HS2ST1: variants seen among roughly 807,000 people sequenced by gnomAD.
The protein encoded by HS2ST1 is heparan sulfate 2-O-sulfotransferase 1, also known as 2-O-sulfotransferase.
HS2ST1 carries 18 observed loss-of-function variants against 42.9 expected under a neutral mutation model. The ratio of observed to expected loss-of-function variants is 0.42; its 90% confidence interval spans 0.29 to 0.62. The LOEUF (loss-of-function observed/expected upper bound fraction) is 0.62, where lower values mean the gene tolerates loss of function less well. Ranked by LOEUF, HS2ST1 falls within the 20% of genes least tolerant of loss-of-function variation. The pLI, the probability that HS2ST1 is intolerant of heterozygous loss-of-function variation, is 0.21. For missense variants in HS2ST1, 334 were observed against 433.8 expected (o/e 0.77, Z 2.04); for synonymous variants, 146 against 152.9 (o/e 0.95, Z 0.33).
chr1:87,083,894 C>G (rs1188253223), intron 2 of HS2ST1, among the ~76,000 whole-genome samples: 1 of 152,128 alleles, frequency 6.6e-6, no homozygotes, highest in Non-Finnish European at 1.5e-5. Flanking sequence ...TACACCCCCA[C>G]AACGACCCTC....
chr1:86,993,502 C>A (rs1649017229), intron 1 of HS2ST1, among the ~76,000 whole-genome samples: 1 of 152,132 alleles, frequency 6.6e-6, no homozygotes, highest in Admixed American at 6.5e-5. Flanking sequence ...GCATTCTTAT[C>A]AGTAAGATAC....
rs552984259 is a variant in HS2ST1, at chr1:87,086,429, CAAT to C, written c.449+2152_449+2154del. ...GTCAATTGTGCTTTACTCTTCAAAACAATATTCTTGACTGGCATAGTACTTTGT... is the reference window on the plus strand; with the variant it reads ...GTCAATTGTGCTTTACTCTTCAAAACATTCTTGACTGGCATAGTACTTTGT... On this transcript the variant is annotated intron_variant, in intron 3 of 6. Coordinates refer to ENST00000370550, the MANE Select transcript of HS2ST1 (RefSeq NM_012262.4). Among the ~76,000 whole-genome samples the C allele has an allele frequency of 5.3e-4, 81 of 152,258 alleles. No homozygotes were observed. The South Asian group carries it at 9.7e-3, about 18-fold the overall frequency.
intron 2 of HS2ST1, among the ~76,000 whole-genome samples, chr1:87,080,577 A>G (rs576435821): frequency 1.5e-4 from 23 of 152,200 alleles, no homozygotes; most frequent in Non-Finnish European, 2.8e-4. Flanking sequence ...TTGAAAAACT[A>G]TCCACACAAA....
intron 1 of HS2ST1, among the ~76,000 whole-genome samples, chr1:87,052,448 G>A (rs1252190756): frequency 1.3e-5 from 2 of 152,104 alleles, no homozygotes; most frequent in African/African-American, 4.8e-5. Flanking sequence ...CCCAAAAATG[G>A]TTTCAGTTTA....
chr1:87,001,975 C>T (rs1195183308), intron 1 of HS2ST1, among the ~76,000 whole-genome samples: 2 of 150,110 alleles, frequency 1.3e-5, no homozygotes, highest in Non-Finnish European at 2.9e-5. Flanking sequence ...TGCAGTGGCG[C>T]GATCTCGGCT....
At chr1:87,039,216 G>A (rs1316643209) in intron 1 of HS2ST1, among the ~76,000 whole-genome samples, 1 of 152,148 alleles carries the variant, frequency 6.6e-6, no homozygotes, top group Non-Finnish European at 1.5e-5. Flanking sequence ...AGAAATACAG[G>A]GCTTGCTAAA....
intron 4 of HS2ST1, among the ~76,000 whole-genome samples, chr1:87,096,529 T>G (rs1652070574): frequency 6.6e-6 from 1 of 152,232 alleles, no homozygotes; most frequent in Admixed American, 6.5e-5. Context: ...ATTTTTTGCT[T>G]GAAAGCTTAA....
intron 1 of HS2ST1, among the ~76,000 whole-genome samples, chr1:86,970,106 CAA>C (rs1648186045): frequency 7.5e-6 from 1 of 133,270 alleles, no homozygotes; most frequent in African/African-American, 2.8e-5. Flanking sequence ...GCCTGGGCAA[CAA>C]GAGTGAAACT....
chr1:87,043,235 G>A (rs1224943512), intron 1 of HS2ST1, among the ~76,000 whole-genome samples: 1 of 152,042 alleles, frequency 6.6e-6, no homozygotes, highest in Non-Finnish European at 1.5e-5. Context: ...ATGGAGAGGG[G>A]AAATAATCTA....
chr1:87,061,253 A>T (rs114855173), intron 1 of HS2ST1, among the ~76,000 whole-genome samples: 2,748 of 152,236 alleles, frequency 0.018, 33 homozygotes, highest in Non-Finnish European at 0.027. Context: ...ATTTTTTTGA[A>T]GTGAAACAAA....
chr1:86,956,589 A>T (rs1418133985), intron 1 of HS2ST1: 1 of 152,148 alleles, frequency 6.6e-6, no homozygotes, highest in African/African-American at 2.4e-5. Flanking sequence ...TTTTTCTTCT[A>T]TAAATTCTTT....
At position 87,097,815 on chromosome 1, in the gene HS2ST1, G is replaced by A. The variant is rs373684867; in HGVS notation, c.589-23G>A. 6.5e-5 allele frequency: 105 copies of A among 1,613,156 alleles called. 1 individual carries two copies. In the Middle Eastern group the frequency reaches 1.5e-3, roughly 23 times the overall value. The stretch of plus-strand genomic sequence containing the variant: ...TGAGACTTGGATTTATGGCTTACCC[G>A]TGCTGCTTTGTCTTTGTTCTAGACC... On this transcript the variant is annotated intron_variant, in intron 4 of 6. Transcript: ENST00000370550.
At chr1:87,047,038 A>G (rs893109932) in intron 1 of HS2ST1, among the ~76,000 whole-genome samples, 1 of 151,868 alleles carries the variant, frequency 6.6e-6, no homozygotes, top group African/African-American at 2.4e-5. Context: ...AAATTGTCCA[A>G]CTGTTTTCCA....
At chr1:86,953,431 C>A (rs1261500786) in intron 1 of HS2ST1, among the ~76,000 whole-genome samples, 2 of 152,216 alleles carry the variant, frequency 1.3e-5, no homozygotes, top group African/African-American at 4.8e-5. Context: ...TCCTAGCTTT[C>A]AGCCTGTCTT....
intron 1 of HS2ST1, among the ~76,000 whole-genome samples, chr1:86,921,935 G>T (rs1660308206): frequency 6.6e-6 from 1 of 152,042 alleles, no homozygotes; most frequent in South Asian, 2.1e-4. Context: ...TGGATTTTTG[G>T]TAGACAGCAT....
chr1:87,016,896 G>A (rs1649775503), intron 1 of HS2ST1, among the ~76,000 whole-genome samples: 3 of 150,940 alleles, frequency 2.0e-5, no homozygotes, highest in Non-Finnish European at 4.4e-5. Context: ...CTTTCTTTTT[G>A]GGGTCAATTT....
chr1:86,991,189 C>A (rs1219385493), intron 1 of HS2ST1, among the ~76,000 whole-genome samples: 1 of 151,726 alleles, frequency 6.6e-6, no homozygotes, highest in African/African-American at 2.4e-5. Context: ...GCTAGATGCT[C>A]CACTTCATGT....
Position 86,914,869 on chromosome 1 carries a change from G to C in HS2ST1, c.-168G>C, listed in dbSNP as rs1393251833. ...AGCGGCGTTGGTGATAGCGCCTGGG[G>C]GAGGGGGACTGGAGAGGCGAGAAGG... is the stretch of plus-strand genomic sequence containing the variant. On this transcript the variant is annotated 5_prime_UTR_variant, in exon 1 of 7. Transcript: ENST00000370550. 1.4e-6 allele frequency: 1 copy of C among 726,078 alleles called. No individual in the cohort carries two copies. Among genetic ancestry groups the C allele is most frequent in the Non-Finnish European group, 2.2e-6 (1 of 447,968 alleles). 45.0% of individuals were successfully genotyped at this position (726,078 alleles called of 1,614,324 possible).
At chr1:86,978,210 C>A (rs945502669) in intron 1 of HS2ST1, among the ~76,000 whole-genome samples, 7 of 152,124 alleles carry the variant, frequency 4.6e-5, no homozygotes. Flanking sequence ...TGAATAAAGG[C>A]GGTTTTCAGA....
Sources: allele counts gnomAD v4.1 joint callset (sites outside exome capture counted in the v4.1 genomes callset), GRCh38; gene constraint gnomAD v4.1.1; transcripts MANE v1.5; gene names NCBI Gene and HGNC (gene_info 2026-07-23, HGNC 2026-07-21).